DLC1: variants seen among roughly 807,000 people sequenced by gnomAD.
DLC1 encodes rho GTPase-activating protein 7.
Under a neutral mutation model 140.3 loss-of-function variants are expected in DLC1, and 54 were observed. The ratio of observed to expected loss-of-function variants is 0.38; its 90% CI spans 0.31 to 0.48. The LOEUF (loss-of-function observed/expected upper bound fraction) is 0.48, where lower values mean the gene tolerates loss of function less well. Ranked by LOEUF, DLC1 falls within the 20% of genes least tolerant of loss-of-function variation. DLC1 has a pLI of 0.96. For synonymous variants in DLC1, 986 were observed against 728.1 expected (o/e 1.35, Z -5.70); for missense variants, 2,536 against 1,907.0 (o/e 1.33, Z -6.14).
rs538618952 is a variant in DLC1 at position 13,272,207 on chromosome 8, C to T, written c.1348+33062G>A. 5.9e-4 allele frequency among the ~76,000 whole-genome samples: 90 copies of T among 151,822 alleles called. 2 individuals are homozygous for T. In the South Asian group the frequency reaches 0.018, roughly 30 times the overall value. On this transcript the variant is annotated intron_variant, in intron 5 of 17. Coordinates refer to ENST00000276297, the MANE Select transcript of DLC1 (RefSeq NM_182643.3). The stretch of plus-strand genomic sequence containing the variant: ...TCATGCCTGTAATCTCGGCAATTTG[C>T]GAGGCCAAAGTGGGTGGATCATTTG...
At chr8:13,373,879 T>A (rs551393097) in intron 4 of DLC1, among the ~76,000 whole-genome samples, 8 of 152,350 alleles carry the variant, frequency 5.3e-5, no homozygotes. Context: ...CATTCATATA[T>A]AAAGCATGTT....
At chr8:13,173,562 G>C (rs991875317) in intron 5 of DLC1, among the ~76,000 whole-genome samples, 6 of 152,092 alleles carry the variant, frequency 3.9e-5, no homozygotes, top group African/African-American at 9.7e-5. Flanking sequence ...AGCAGATACG[G>C]GGTTTCACTT....
intron 5 of DLC1, among the ~76,000 whole-genome samples, chr8:13,191,926 GATTATT>G (rs143940185): frequency 7.8e-4 from 110 of 141,928 alleles, no homozygotes; most frequent in African/African-American, 1.4e-3. Flanking sequence ...GGAGTGGCCT[GATTATT>G]ATTATTATTA....
chr8:13,197,550 G>A (rs1414154405), intron 5 of DLC1, among the ~76,000 whole-genome samples: 5 of 151,914 alleles, frequency 3.3e-5, no homozygotes, highest in South Asian at 4.2e-4. Context: ...GTTTCACCAC[G>A]TTAGCCAGGA....
intron 1 of DLC1, among the ~76,000 whole-genome samples, chr8:13,502,968 A>G (rs1252678940): frequency 6.6e-6 from 1 of 152,218 alleles, no homozygotes; most frequent in African/African-American, 2.4e-5. Flanking sequence ...ACTTCTAATG[A>G]TGCTATGATT....
intron 2 of DLC1, among the ~76,000 whole-genome samples, chr8:13,474,097 G>A (rs1284627214): frequency 6.6e-6 from 1 of 152,164 alleles, no homozygotes. Flanking sequence ...TCCCATCAAT[G>A]GCCCAGAGGC....
intron 1 of DLC1, among the ~76,000 whole-genome samples, chr8:13,521,086 A>T (rs1392943254): frequency 6.6e-6 from 1 of 152,138 alleles, no homozygotes; most frequent in Non-Finnish European, 1.5e-5. Context: ...AAGGAACAAG[A>T]TCATGTCCAT....
Position 13,395,658 on chromosome 8 carries a change from C to G in DLC1, c.1174-1965G>C, listed in dbSNP as rs547542872. Among the ~76,000 whole-genome samples the G allele has an allele frequency of 4.6e-5, 7 of 152,200 alleles. No homozygotes were observed. In the South Asian group the frequency reaches 1.5e-3, roughly 32 times the overall value. ...TGTTTCTGCTGTAAAATTATGTGAT[C>G]AAAAGCATCAAAACTAAATTTTCTC... On this transcript the variant is annotated intron_variant, in intron 3 of 17. Coordinates refer to ENST00000276297, the MANE Select transcript of DLC1 (RefSeq NM_182643.3).
chr8:13,464,766 TTATA>T (rs1299837929), intron 2 of DLC1, among the ~76,000 whole-genome samples: 16 of 7,556 alleles, frequency 2.1e-3, no homozygotes, highest in African/African-American at 6.1e-3. Context: ...ATATATATAT[TTATA>T]TATATATATA....
intron 1 of DLC1, among the ~76,000 whole-genome samples, chr8:13,523,424 T>C (rs1016452875): frequency 6.6e-6 from 1 of 152,172 alleles, no homozygotes; most frequent in African/African-American, 2.4e-5. Flanking sequence ...TTCAGAATTT[T>C]AGTTTTGGGC....
At chr8:13,155,873 C>T (rs914581046) in intron 5 of DLC1, among the ~76,000 whole-genome samples, 1 of 152,114 alleles carries the variant, frequency 6.6e-6, no homozygotes, top group African/African-American at 2.4e-5. Context: ...GAGAAACCTT[C>T]TAACTAGTTT....
chr8:13,271,217 A>G (rs1830918187), intron 5 of DLC1, among the ~76,000 whole-genome samples: 1 of 152,190 alleles, frequency 6.6e-6, no homozygotes, highest in African/African-American at 2.4e-5. Context: ...GGTGTTGCCT[A>G]TGATTGGAAA....
At chr8:13,392,558 A>T (rs755406612) in intron 4 of DLC1, among the ~76,000 whole-genome samples, 1 of 152,180 alleles carries the variant, frequency 6.6e-6, no homozygotes, top group Non-Finnish European at 1.5e-5. Flanking sequence ...TGAACAAGCA[A>T]TCCAAACTTG....
rs767728246 is a variant in DLC1, at chr8:13,094,881, C to T, written c.3404G>A (p.Cys1135Tyr). The T allele has an allele frequency of 6.2e-7, 1 of 1,614,250 alleles. No homozygotes were observed. The highest frequency in any genetic ancestry group is 8.5e-7 in the Non-Finnish European group (1 of 1,180,044). The change falls in exon 12 of 18, where the codon TGT (cysteine) becomes TAT (tyrosine). Residue 1135 changes from cysteine to tyrosine, a missense_variant. Transcript: ENST00000276297. ...AGCAGACTGTCCTTCGTAGTTGACA[C>T]AGTCTATGGCACCTTCATTCATCTG... ...LRQMNEGAID[C>Y]VNYEGQSAYD...
intron 5 of DLC1, among the ~76,000 whole-genome samples, chr8:13,246,372 A>T (rs889368370): frequency 6.6e-6 from 1 of 152,236 alleles, no homozygotes; most frequent in Non-Finnish European, 1.5e-5. Flanking sequence ...CCCAAAAGAA[A>T]ATTAGGCATT....
intron 5 of DLC1, among the ~76,000 whole-genome samples, chr8:13,134,793 T>C (rs1224953968): frequency 6.6e-6 from 1 of 152,082 alleles, no homozygotes; most frequent in Non-Finnish European, 1.5e-5. Flanking sequence ...ACTCCATCTG[T>C]ACAAAAATAA....
chr8:13,092,148 G>A (rs906854635), intron 13 of DLC1, among the ~76,000 whole-genome samples: 4 of 152,212 alleles, frequency 2.6e-5, no homozygotes, highest in Non-Finnish European at 4.4e-5. Context: ...GGGAGGCTGA[G>A]GCAGGAGAAT....
Position 13,100,586 on chromosome 8 carries a change from T to G in DLC1, c.1751A>C (p.Asp584Ala). 6.2e-7 allele frequency: 1 copy of G among 1,613,788 alleles called. No homozygotes were observed. Among genetic ancestry groups the G allele is most frequent in the Non-Finnish European group, 8.5e-7 (1 of 1,179,912 alleles). Residue 584 changes from aspartate (D) to alanine (A), a missense_variant, in exon 9 of 18, where the codon GAC (aspartate) becomes GCC (alanine). Transcript: ENST00000276297. ...AGACACCTCCTGGCGCTCGCTGAGGTCCATCAGCGTGCCTCCGGGGCTGGG... is the reference window on the plus strand; with the variant it reads ...AGACACCTCCTGGCGCTCGCTGAGGGCCATCAGCGTGCCTCCGGGGCTGGG... ...DGPSPGGTLM[D>A]LSERQEVSSV...
At chr8:13,541,572 C>T (rs775093647) in intron 1 of DLC1, among the ~76,000 whole-genome samples, 13 of 152,022 alleles carry the variant, frequency 8.6e-5, no homozygotes, top group African/African-American at 1.2e-4. Context: ...TTTATTGAGC[C>T]GGGGTCTCAC....
Sources: gnomAD v4.1 joint callset for allele counts (sites outside exome capture counted in the v4.1 genomes callset) on GRCh38, gnomAD v4.1.1 for gene constraint, MANE v1.5 for transcripts, NCBI Gene and HGNC (gene_info 2026-07-23, HGNC 2026-07-21) for gene names.